Variants in BAZ2B observed in about 807,000 individuals in gnomAD.
BAZ2B encodes the protein bromodomain adjacent to zinc finger domain 2B.
In BAZ2B, 91 loss-of-function variants were observed where a neutral mutation model predicts 246.0. That is an observed-to-expected ratio of 0.37 (90% confidence interval 0.31 to 0.44). The LOEUF is 0.44. Ranked by LOEUF, BAZ2B falls within the 20% of genes least tolerant of loss-of-function variation. The pLI is 1.00. For missense variants in BAZ2B, 2,332 were observed against 2,533.7 expected (o/e 0.92, Z 1.71); for synonymous variants, 855 against 860.0 (o/e 0.99, Z 0.10).
At chr2:159,324,625 TACACACACAC>T (rs60009917) in intron 36 of BAZ2B, among the ~76,000 whole-genome samples, 176 bp downstream of exon 36, 10,400 of 132,386 alleles carry the variant, frequency 0.079, 507 homozygotes, top group Middle Eastern at 0.12. Flanking sequence ...TCTAACCAAA[TACACACACAC>T]ACACACACAC....
At chr2:159,397,044 T>C in intron 19 of BAZ2B, 11 of 1,356,242 alleles carry the variant, frequency 8.1e-6, no homozygotes, top group Non-Finnish European at 1.1e-5. Flanking sequence ...CAATGCGGTG[T>C]TAGATGTACA....
intron 3 of BAZ2B, among the ~76,000 whole-genome samples, chr2:159,468,510 G>A (rs2077367522): frequency 6.6e-6 from 1 of 152,090 alleles, no homozygotes; most frequent in Non-Finnish European, 1.5e-5. Context: ...TCTAACCACA[G>A]TAAAACTAAA....
In BAZ2B at chr2:159,606,458, A is replaced by G. The variant is rs181056746; in HGVS notation, c.-46+9784T>C. Among the ~76,000 whole-genome samples, 231 of 152,274 alleles carry G rather than the reference A, an allele frequency of 1.5e-3. 1 individual carries two copies. Among genetic ancestry groups the G allele is most frequent in the Admixed American group, 2.9e-3 (44 of 15,296 alleles). On this transcript the variant is annotated intron_variant, in intron 1 of 36. Transcript: ENST00000392783. ...TTGAAGATAGGTTTTGGTGCTTCCT[A>G]TGTCATCACAATGGTTTATGTTAAC...
At chr2:159,328,901 G>A (rs1247085751) in intron 34 of BAZ2B, among the ~76,000 whole-genome samples, 1 of 152,160 alleles carries the variant, frequency 6.6e-6, no homozygotes, top group East Asian at 1.9e-4. Flanking sequence ...GCCGAGGCAG[G>A]CAGATAACTT....
At chr2:159,336,135 T>G (rs1299353433) in intron 33 of BAZ2B, among the ~76,000 whole-genome samples, 1 of 152,194 alleles carries the variant, frequency 6.6e-6, no homozygotes, top group Admixed American at 6.5e-5. Context: ...CACTCCAGCC[T>G]GGGTGAGCGA....
chr2:159,355,387 C>T (rs2058994091), intron 27 of BAZ2B, among the ~76,000 whole-genome samples: 1 of 152,192 alleles, frequency 6.6e-6, no homozygotes, highest in Non-Finnish European at 1.5e-5. Context: ...GTGGAAGAGA[C>T]TAAAGGAAGC....
At chr2:159,432,221 G>C (rs899846458) in intron 9 of BAZ2B, among the ~76,000 whole-genome samples, 6 of 151,150 alleles carry the variant, frequency 4.0e-5, no homozygotes, top group African/African-American at 1.5e-4. Context: ...TGAGGAGAGG[G>C]AAGGAAAATA....
At chr2:159,466,027 C>G (rs775786939) in intron 3 of BAZ2B, among the ~76,000 whole-genome samples, 5 of 152,034 alleles carry the variant, frequency 3.3e-5, no homozygotes, top group Admixed American at 6.6e-5. Flanking sequence ...AACATAAATA[C>G]TCAAAGAAAC....
chr2:159,553,853 C>T (rs1397043372), intron 2 of BAZ2B, among the ~76,000 whole-genome samples: 1 of 152,028 alleles, frequency 6.6e-6, no homozygotes, highest in East Asian at 1.9e-4. Flanking sequence ...CTCATTATAC[C>T]AGTTTATGGA....
intron 34 of BAZ2B, among the ~76,000 whole-genome samples, chr2:159,328,143 A>G (rs1342786130): frequency 6.6e-6 from 1 of 152,084 alleles, no homozygotes; most frequent in Admixed American, 6.5e-5. Context: ...TTTTTTAAAG[A>G]CAAAAAATGA....
chr2:159,494,445 T>C (rs1167409060), intron 2 of BAZ2B, among the ~76,000 whole-genome samples: 1 of 152,182 alleles, frequency 6.6e-6, no homozygotes, highest in Non-Finnish European at 1.5e-5. Flanking sequence ...CTACTATTTA[T>C]ACATATAAGT....
chr2:159,607,047 G>A (rs557836664), intron 1 of BAZ2B, among the ~76,000 whole-genome samples: 1 of 151,810 alleles, frequency 6.6e-6, no homozygotes, highest in African/African-American at 2.4e-5. Flanking sequence ...TAGAGACAGG[G>A]TTTCACCATG....
chr2:159,395,631 C>T (rs868046549), intron 20 of BAZ2B, 138 bp downstream of exon 20: 3 of 657,058 alleles, frequency 4.6e-6, no homozygotes, highest in Non-Finnish European at 7.4e-6. Flanking sequence ...GTTGCTATCT[C>T]TAAACTTTTG....
chr2:159,486,407 A>G (rs1008772789), intron 2 of BAZ2B, among the ~76,000 whole-genome samples: 1 of 152,036 alleles, frequency 6.6e-6, no homozygotes, highest in Non-Finnish European at 1.5e-5. Flanking sequence ...TAAAATATCC[A>G]TGTATACTCA....
At chr2:159,629,765 T>TATA in the BAZ2B span, among the ~76,000 whole-genome samples, 1 of 152,130 alleles carries the variant, frequency 6.6e-6, no homozygotes, top group East Asian at 1.9e-4. Context: ...ATGGCATTTG[T>TATA]ATACCTACAT....
chr2:159,342,156 C>T (rs2066847975), intron 31 of BAZ2B, among the ~76,000 whole-genome samples: 1 of 152,116 alleles, frequency 6.6e-6, no homozygotes, highest in African/African-American at 2.4e-5. Flanking sequence ...TTGCATCACA[C>T]TGCTCAAAGA....
At chr2:159,474,309 T>C (rs2078215304) in intron 3 of BAZ2B, among the ~76,000 whole-genome samples, 2 of 152,248 alleles carry the variant, frequency 1.3e-5, no homozygotes, top group Non-Finnish European at 2.9e-5. Context: ...TACCATTATG[T>C]AATGCCCTTT....
intron 31 of BAZ2B, among the ~76,000 whole-genome samples, chr2:159,341,102 C>A (rs2066617455): frequency 6.6e-6 from 1 of 151,722 alleles, no homozygotes. Context: ...AAACAAGGCC[C>A]AACTATATGC....
chr2:159,708,097 G>A, the BAZ2B span, among the ~76,000 whole-genome samples: 1 of 152,058 alleles, frequency 6.6e-6, no homozygotes, highest in African/African-American at 2.4e-5. Flanking sequence ...GATCACTTGA[G>A]GCTTGGAGTT....
Sources: gnomAD v4.1 joint callset for allele counts (sites outside exome capture counted in the v4.1 genomes callset) on GRCh38, gnomAD v4.1.1 for gene constraint, MANE v1.5 for transcripts, NCBI Gene and HGNC (gene_info 2026-07-23, HGNC 2026-07-21) for gene names.